Variants in ATG16L1 observed in about 807,000 individuals in gnomAD.
The protein encoded by ATG16L1 is autophagy-related protein 16-1.
ATG16L1 carries 37 observed loss-of-function variants against 88.5 expected under a neutral mutation model. The observed-to-expected ratio is 0.42, with a 90% CI of 0.32 to 0.55. The LOEUF is 0.55. ATG16L1 is among the 20% of genes least tolerant of loss of function. ATG16L1 has a pLI of 0.13. For missense variants in ATG16L1, 554 were observed against 752.8 expected, an observed-to-expected ratio of 0.74 and a Z score of 3.09; for synonymous variants, 301 against 281.0, an observed-to-expected ratio of 1.07 and a Z score of -0.71.
At chr2:233,281,742 G>T (rs529743582) in intron 11 of ATG16L1, among the ~76,000 whole-genome samples, 1 of 152,300 alleles carries the variant, frequency 6.6e-6, no homozygotes, top group East Asian at 1.9e-4. Flanking sequence ...AGCTTGGGTG[G>T]AGGTGATGAC....
chr2:233,266,775 C>CA (rs1697624898), intron 5 of ATG16L1, among the ~76,000 whole-genome samples: 1 of 152,226 alleles, frequency 6.6e-6, no homozygotes, highest in Non-Finnish European at 1.5e-5. Flanking sequence ...GCTGTACACA[C>CA]ACACAATGGA....
At chr2:233,282,085 T>C (rs1173882980) in intron 11 of ATG16L1, among the ~76,000 whole-genome samples, 2 of 152,148 alleles carry the variant, frequency 1.3e-5, no homozygotes, top group African/African-American at 4.8e-5. Flanking sequence ...TATTGAAAGG[T>C]TTAGACTTTT....
At position 233,289,935 on chromosome 2, in the gene ATG16L1, G is replaced by A. The variant is rs200355188; in HGVS notation, c.1285G>A (p.Asp429Asn). Reference sequence around the variant, plus strand: ...TGCGCGGATTGTCTCAGGAAGTCACGACCGGACTCTCAAACTCTGGGATCT... The same window carrying A: ...TGCGCGGATTGTCTCAGGAAGTCACAACCGGACTCTCAAACTCTGGGATCT... The part of the protein sequence containing the change: ...DNARIVSGSH[D>N]RTLKLWDLRS... The change falls in exon 13 of 18, where the codon GAC becomes AAC. Residue 429 changes from aspartate (D) to asparagine (N), a missense_variant. This residue lies in a region of ATG16L1 where 370 missense variants were observed against 509.7 expected (regional missense o/e 0.73). Transcript: ENST00000392017. 5 of 1,614,046 alleles carry A rather than the reference G, an allele frequency of 3.1e-6. No homozygotes were observed. The highest frequency in any genetic ancestry group is 4.2e-6 in the Non-Finnish European group (5 of 1,180,038).
intron 12 of ATG16L1, among the ~76,000 whole-genome samples, chr2:233,285,664 A>G (rs1348348345): frequency 1.3e-5 from 2 of 152,182 alleles, no homozygotes; most frequent in Non-Finnish European, 2.9e-5. Flanking sequence ...GCACCCAGAG[A>G]AGTCTCCCGA....
intron 5 of ATG16L1, among the ~76,000 whole-genome samples, chr2:233,266,718 G>GT (rs1212089610): frequency 3.3e-5 from 5 of 152,072 alleles, no homozygotes; most frequent in African/African-American, 1.2e-4. Flanking sequence ...GCCAAGATAC[G>GT]GATCAATCTA....
intron 2 of ATG16L1, among the ~76,000 whole-genome samples, chr2:233,257,862 G>A (rs1390778377): frequency 6.6e-6 from 1 of 151,908 alleles, no homozygotes; most frequent in Non-Finnish European, 1.5e-5. Flanking sequence ...AAAATTAGCC[G>A]GGCATGGTGG....
intron 9 of ATG16L1, chr2:233,275,884 T>C: frequency 1.9e-6 from 1 of 519,212 alleles, no homozygotes; most frequent in South Asian, 1.4e-5. Flanking sequence ...TCAGTGTGTG[T>C]TTCTGAGAGT....
At position 233,274,725 on chromosome 2, in the gene ATG16L1, C is replaced by T. The variant is rs745391023; in HGVS notation, c.901C>T (p.His301Tyr). The T allele has an allele frequency of 1.1e-5, 17 of 1,612,726 alleles. No individual in the cohort carries two copies. The highest frequency in any genetic ancestry group is 1.4e-5 in the Non-Finnish European group (17 of 1,178,944). ...FPVPQDNVDTHPGSGKEVRVP... is the reference protein window; with the variant it reads ...FPVPQDNVDTYPGSGKEVRVP... ...AGTCCCCCAGGACAATGTGGATACTCATCCTGGTTCTGGTAAAGAAGTGAG... is the reference window on the plus strand; with the variant it reads ...AGTCCCCCAGGACAATGTGGATACTTATCCTGGTTCTGGTAAAGAAGTGAG... Residue 301 changes from histidine to tyrosine, a missense_variant, in exon 9 of 18, where the codon CAT (histidine) becomes TAT (tyrosine). His to Tyr is a moderately conservative substitution (Grantham distance 83, BLOSUM62 2). Around this residue, in one of 5 missense-constraint regions of ATG16L1, gnomAD observed 370 missense variants for 509.7 expected, o/e 0.73. Transcript: ENST00000392017.
intron 17 of ATG16L1, among the ~76,000 whole-genome samples, chr2:233,294,028 CA>C (rs1280975265): frequency 1.3e-5 from 2 of 152,164 alleles, no homozygotes; most frequent in African/African-American, 4.8e-5. Flanking sequence ...CCAGAGGGGC[CA>C]AACTCCCTTC....
At chr2:233,269,574 A>C (rs1697842386) in intron 5 of ATG16L1, among the ~76,000 whole-genome samples, 1 of 152,232 alleles carries the variant, frequency 6.6e-6, no homozygotes, top group African/African-American at 2.4e-5. Flanking sequence ...TCAAAATCTG[A>C]GAAAATTCGA....
chr2:233,259,307 T>C (rs556189172), intron 2 of ATG16L1, among the ~76,000 whole-genome samples: 146 of 152,140 alleles, frequency 9.6e-4, no homozygotes, highest in Non-Finnish European at 1.9e-3. Flanking sequence ...CAGAAAATGG[T>C]GGCGTCAGCA....
intron 10 of ATG16L1, among the ~76,000 whole-genome samples, chr2:233,279,355 T>G (rs573168745): frequency 4.6e-5 from 4 of 86,570 alleles, no homozygotes; most frequent in African/African-American, 1.8e-4. Context: ...CTAGTAACCT[T>G]TTTGCGGCTG....
chr2:233,269,471 C>T (rs533878266), intron 5 of ATG16L1, among the ~76,000 whole-genome samples: 2 of 152,310 alleles, frequency 1.3e-5, no homozygotes, highest in East Asian at 3.9e-4. Flanking sequence ...CATTGGAGCA[C>T]TTCAGATTTC....
At chr2:233,287,876 C>T (rs1699189356) in intron 12 of ATG16L1, among the ~76,000 whole-genome samples, 1 of 152,030 alleles carries the variant, frequency 6.6e-6, no homozygotes, top group African/African-American at 2.4e-5. Context: ...GAAACTCTGT[C>T]TCAAAAAAGA....
At chr2:233,281,196 A>G in intron 11 of ATG16L1, 21 bp downstream of exon 11, 1 of 1,515,908 alleles carries the variant, frequency 6.6e-7, no homozygotes, top group Non-Finnish European at 8.9e-7. Flanking sequence ...AATAGCTATG[A>G]TTTTAAAGGT....
At chr2:233,275,948 C>G (rs751480354) in intron 9 of ATG16L1, 1 of 519,134 alleles carries the variant, frequency 1.9e-6, no homozygotes, top group Non-Finnish European at 3.8e-6. Context: ...AGGAGACTGA[C>G]GAGTGGCAGT....
At position 233,294,416 on chromosome 2, in the gene ATG16L1, C is replaced by T. The variant is rs1262900073; in HGVS notation, c.*66C>T. ...GAAGAAGCACATGGGCTCCTGCAGC[C>T]CTGTCCTGGCAGGTGATGTGCTGGG... On this transcript the variant is annotated 3_prime_UTR_variant, in exon 18 of 18. Coordinates refer to ENST00000392017, the MANE Select transcript of ATG16L1 (RefSeq NM_030803.7). 2.3e-6 allele frequency: 3 copies of T among 1,329,502 alleles called. No individual in the cohort carries two copies. Among genetic ancestry groups the T allele is most frequent in the Non-Finnish European group, 3.2e-6 (3 of 937,926 alleles). 82.4% of individuals were successfully genotyped at this position (1,329,502 alleles called of 1,614,324 possible).
At chr2:233,284,170 T>C (rs1246143645) in intron 12 of ATG16L1, among the ~76,000 whole-genome samples, 32 of 123,994 alleles carry the variant, frequency 2.6e-4, no homozygotes, top group African/African-American at 9.8e-4. Context: ...TTTTTTTTTT[T>C]CTGAGATGGA....
intron 14 of ATG16L1, among the ~76,000 whole-genome samples, chr2:233,291,359 C>T (rs964916649): frequency 2.6e-5 from 4 of 152,228 alleles, no homozygotes; most frequent in African/African-American, 9.6e-5. Context: ...TTCGAAGTCT[C>T]TTAGTCCATC....
Sources: allele counts gnomAD v4.1 joint callset (sites outside exome capture counted in the v4.1 genomes callset), GRCh38; gene constraint gnomAD v4.1.1; regional missense constraint gnomAD v4.1.1; transcripts MANE v1.5; gene names NCBI Gene and HGNC (gene_info 2026-07-23, HGNC 2026-07-21).